ISCA1: variants seen among roughly 807,000 people sequenced by gnomAD.
ISCA1 encodes iron-sulfur cluster assembly 1.
ISCA1 carries 9 observed loss-of-function variants against 14.7 expected under a neutral mutation model. The ratio of observed to expected loss-of-function variants is 0.61; its 90% confidence interval spans 0.37 to 1.07. The LOEUF (loss-of-function observed/expected upper bound fraction) is 1.07. ISCA1 is among the 50% of genes least tolerant of loss of function. The pLI, the probability that ISCA1 is intolerant of heterozygous loss-of-function variation, is 0.01. For missense variants in ISCA1, 102 were observed against 150.1 expected (o/e 0.68, Z 1.67); for synonymous variants, 38 against 54.3 (o/e 0.70, Z 1.32).
At chr9:86,275,380 C>T (rs758812003) in intron 1 of ISCA1, among the ~76,000 whole-genome samples, 5 of 152,100 alleles carry the variant, frequency 3.3e-5, no homozygotes, top group Non-Finnish European at 7.4e-5. Context: ...CTGGATATTA[C>T]GACCTAAGAC....
chr9:86,281,399 A>C (rs1256844380), intron 1 of ISCA1, among the ~76,000 whole-genome samples: 1 of 152,186 alleles, frequency 6.6e-6, no homozygotes, highest in East Asian at 1.9e-4. Flanking sequence ...AGTCAATTTA[A>C]ATCGTTTTTT....
At position 86,273,817 on chromosome 9, in the gene ISCA1, G is replaced by T. The variant is rs370695881; in HGVS notation, c.135+372C>A. ...TGGATTCTTTGGTTGAGGCAAAGAG[G>T]GGGTACTACTGGTATCTAATGGACA... is the stretch of plus-strand genomic sequence containing the variant. On this transcript the variant is annotated intron_variant, in intron 2 of 3. Transcript: ENST00000375991. 3.4e-3 allele frequency among the ~76,000 whole-genome samples: 524 copies of T among 152,264 alleles called. 5 individuals carry two copies. Among genetic ancestry groups the T allele is most frequent in the Middle Eastern group, 0.017 (5 of 294 alleles).
At chr9:86,281,538 T>C (rs1432733697) in intron 1 of ISCA1, among the ~76,000 whole-genome samples, 1 of 152,342 alleles carries the variant, frequency 6.6e-6, no homozygotes, top group South Asian at 2.1e-4. Context: ...AGGTGATGGT[T>C]GCACGACACT....
At chr9:86,280,975 CA>C (rs1019171752) in intron 1 of ISCA1, among the ~76,000 whole-genome samples, 89 of 106,254 alleles carry the variant, frequency 8.4e-4, no homozygotes, top group African/African-American at 3.7e-3. Context: ...AAACAAAAAA[CA>C]AAAAACCCAG....
rs752017683 is a variant in ISCA1, at chr9:86,265,895, T to C, written c.*148A>G. ...CTGTCCCCTATAGAGAATATAAATA[T>C]CATTTCTTCTGGAATCCAACACACT... On this transcript the variant is annotated 3_prime_UTR_variant, in exon 4 of 4. Transcript: ENST00000375991. 2.4e-6 allele frequency: 3 copies of C among 1,242,722 alleles called. No individual in the cohort carries two copies. The East Asian group carries it at 7.0e-5, about 29-fold the overall frequency. The allele number at this position is 1,242,722 out of a possible 1,614,324, so 77.0% of individuals were successfully genotyped here. A position where few individuals can be genotyped will look rare whatever the true frequency, so the allele number is the denominator to read the frequency against.
intron 3 of ISCA1, among the ~76,000 whole-genome samples, chr9:86,271,575 T>C (rs1332142166): frequency 6.6e-6 from 1 of 152,230 alleles, no homozygotes; most frequent in Non-Finnish European, 1.5e-5. Flanking sequence ...CTCGTACTTA[T>C]TTGACACAGA....
At chr9:86,280,210 T>C (rs1825492706) in intron 1 of ISCA1, among the ~76,000 whole-genome samples, 1 of 152,114 alleles carries the variant, frequency 6.6e-6, no homozygotes, top group Non-Finnish European at 1.5e-5. Context: ...GTATAACTCA[T>C]TCATTTGTCT....
chr9:86,269,379 A>G (rs558370782), intron 3 of ISCA1, among the ~76,000 whole-genome samples: 1 of 152,298 alleles, frequency 6.6e-6, no homozygotes, highest in African/African-American at 2.4e-5. Flanking sequence ...AATCCAACTT[A>G]AAAAGGACGT....
intron 3 of ISCA1, 82 bp downstream of exon 3, chr9:86,271,925 C>T (rs545104710): frequency 1.3e-6 from 1 of 744,882 alleles, no homozygotes; most frequent in South Asian, 1.5e-5. Context: ...CTGCTACTAT[C>T]CTTATTTTTT....
chr9:86,280,976 A>C (rs1192071265), intron 1 of ISCA1, among the ~76,000 whole-genome samples: 1 of 67,146 alleles, frequency 1.5e-5, no homozygotes, highest in Admixed American at 1.2e-4. Context: ...AACAAAAAAC[A>C]AAAAACCCAG....
rs7033953 is a variant in ISCA1 at position 86,270,181 on chromosome 9, A to T, written c.241+1826T>A. 8.7e-5 allele frequency among the ~76,000 whole-genome samples: 10 copies of T among 114,398 alleles called. No homozygotes were observed. The East Asian group carries it at 1.5e-3, about 17-fold the overall frequency. The allele number at this position is 114,398 out of a possible 152,430, so 75.0% of individuals were successfully genotyped here. The stretch of plus-strand genomic sequence containing the variant: ...ACCTACAAAATGGGAGAAAATTTTC[A>T]CAACCTACTCATCTGACAAAGGGCT... On this transcript the variant is annotated intron_variant, in intron 3 of 3. Coordinates refer to ENST00000375991, the MANE Select transcript of ISCA1 (RefSeq NM_030940.4).
intron 3 of ISCA1, chr9:86,267,724 T>C (rs1050724635): frequency 2.9e-6 from 1 of 339,020 alleles, no homozygotes; most frequent in Non-Finnish European, 4.2e-6. Context: ...TCCCAGCTAC[T>C]TGGGAGGCTG....
At chr9:86,267,758 G>T in intron 3 of ISCA1, 1 of 185,892 alleles carries the variant, frequency 5.4e-6, no homozygotes, top group Non-Finnish European at 1.0e-5. Context: ...GCTTGAACCA[G>T]GGAGGTGGAG....
chr9:86,268,285 T>G (rs1442426448), intron 3 of ISCA1, among the ~76,000 whole-genome samples: 2 of 152,056 alleles, frequency 1.3e-5, no homozygotes, highest in African/African-American at 4.8e-5. Flanking sequence ...CCTGACCCTG[T>G]GGAGGCCTAA....
intron 1 of ISCA1, among the ~76,000 whole-genome samples, chr9:86,277,715 T>G (rs1031248646): frequency 2.0e-5 from 3 of 152,172 alleles, no homozygotes; most frequent in African/African-American, 7.2e-5. Context: ...ATTTATGTAC[T>G]ATTAATGAAT....
chr9:86,282,337 G>A (rs1319109552), intron 1 of ISCA1, 41 bp downstream of exon 1: 6 of 1,531,206 alleles, frequency 3.9e-6, no homozygotes, highest in South Asian at 2.4e-5. Flanking sequence ...GGGCGGACAC[G>A]AGCAATGTCA....
chr9:86,278,093 T>C (rs1337854468), intron 1 of ISCA1, among the ~76,000 whole-genome samples: 1 of 152,220 alleles, frequency 6.6e-6, no homozygotes, highest in Non-Finnish European at 1.5e-5. Flanking sequence ...TAAAGTTAAC[T>C]CTGTGATTAT....
Position 86,276,249 on chromosome 9 carries a change from T to C in ISCA1, c.82-2007A>G, listed in dbSNP as rs555861252. 2.0e-5 allele frequency among the ~76,000 whole-genome samples: 3 copies of C among 152,114 alleles called. No individual in the cohort carries two copies. The East Asian group carries it at 5.8e-4, about 30-fold the overall frequency. The stretch of plus-strand genomic sequence containing the variant: ...CACCTGCAGTTCAGACTAGGGTTTG[T>C]GCTCCTATGAGAATCTAATGCCCCT... On this transcript the variant is annotated intron_variant, in intron 1 of 3. Coordinates refer to ENST00000375991, the MANE Select transcript of ISCA1 (RefSeq NM_030940.4).
Position 86,265,125 on chromosome 9 carries a change from A to G in ISCA1, c.*918T>C, listed in dbSNP as rs1397522410. On this transcript the variant is annotated 3_prime_UTR_variant, in exon 4 of 4. Transcript: ENST00000375991. ...TCTTCCCACTCAAAATAAAATAAAA[A>G]TAATATAATCTCTATCAAATTATAA... 1.3e-5 allele frequency: 2 copies of G among 152,254 alleles called. No individual in the cohort carries two copies. The highest frequency in any genetic ancestry group is 4.8e-5 in the African/African-American group (2 of 41,470). The allele number at this position is 152,254 out of a possible 1,614,324, so 9.4% of individuals were successfully genotyped here. A position where few individuals can be genotyped will look rare whatever the true frequency, so the allele number is the denominator to read the frequency against.
Sources: gnomAD v4.1 joint callset for allele counts (sites outside exome capture counted in the v4.1 genomes callset) on GRCh38, gnomAD v4.1.1 for gene constraint, MANE v1.5 for transcripts, NCBI Gene and HGNC (gene_info 2026-07-23, HGNC 2026-07-21) for gene names.